Variants in SANBR observed in about 807,000 individuals in gnomAD.
The protein encoded by SANBR is SANT and BTB domain regulator of CSR.
Under a neutral mutation model 101.8 loss-of-function variants are expected in SANBR, and 77 were observed. The observed-to-expected ratio is 0.76, with a 90% CI of 0.63 to 0.91. SANBR has a LOEUF of 0.91. Among genes scored for constraint, SANBR ranks in the 40% least tolerant of loss-of-function variants. The pLI, the probability that SANBR is intolerant of heterozygous loss-of-function variation, is 0.00. For missense variants in SANBR, 875 were observed against 853.0 expected (o/e 1.03, Z -0.32); for synonymous variants, 279 against 274.7 (o/e 1.02, Z -0.15).
downstream of SANBR, among the ~76,000 whole-genome samples, chr2:61,128,985 G>T (rs777918965): frequency 2.6e-5 from 4 of 152,046 alleles, no homozygotes; most frequent in African/African-American, 4.8e-5. Context: ...AGAAGGCAGT[G>T]GGATAACATT....
chr2:61,066,397 C>A (rs1158159468), intron 1 of SANBR: 1 of 152,488 alleles, frequency 6.6e-6, no homozygotes, highest in Non-Finnish European at 1.5e-5. Flanking sequence ...CGGGCGGGAG[C>A]GGGGCGCGAA....
chr2:61,122,793 A>G lies in SANBR; in HGVS notation c.*631A>G. ...TGTTAATCCAACTTTTTTTTCTTTC[A>G]GTTTTTAATGCTTATCTATTGATCA... On this transcript the variant is annotated 3_prime_UTR_variant, in exon 22 of 22. Transcript: ENST00000402291. 2.0e-6 allele frequency: 2 copies of G among 985,302 alleles called. No homozygotes were observed. The highest frequency in any genetic ancestry group is 3.5e-5 in the African/African-American group (2 of 57,278). The allele number at this position is 985,302 out of a possible 1,614,324, so 61.0% of individuals were successfully genotyped here.
chr2:61,076,639 AAAAG>A (rs781010289), intron 5 of SANBR, among the ~76,000 whole-genome samples: 206 of 151,794 alleles, frequency 1.4e-3, no homozygotes, highest in Non-Finnish European at 2.0e-3. Flanking sequence ...AAAAAAAAAA[AAAAG>A]AAAGAAAAAG....
intron 4 of SANBR, among the ~76,000 whole-genome samples, chr2:61,072,533 AGCCACT>A (rs1681528340): frequency 6.6e-6 from 1 of 152,182 alleles, no homozygotes; most frequent in Non-Finnish European, 1.5e-5. Context: ...GCTTTGATCA[AGCCACT>A]GCTCTTCAGC....
intron 6 of SANBR, among the ~76,000 whole-genome samples, chr2:61,079,296 A>G (rs548931664): frequency 6.6e-6 from 1 of 152,300 alleles, no homozygotes; most frequent in African/African-American, 2.4e-5. Flanking sequence ...TATTACTAGT[A>G]GAATTACTGT....
chr2:61,103,481 G>A (rs1683394818), intron 12 of SANBR, among the ~76,000 whole-genome samples: 1 of 152,156 alleles, frequency 6.6e-6, no homozygotes, highest in South Asian at 2.1e-4. Flanking sequence ...AAACTATAGT[G>A]TTTAGGAATG....
chr2:61,104,778 G>T (rs1683475522), intron 13 of SANBR, among the ~76,000 whole-genome samples: 1 of 151,596 alleles, frequency 6.6e-6, no homozygotes, highest in Non-Finnish European at 1.5e-5. Context: ...TTTAAAAGAG[G>T]CTGTTCTTAG....
chr2:61,067,466 A>G (rs1338929392), intron 1 of SANBR, among the ~76,000 whole-genome samples: 1 of 152,186 alleles, frequency 6.6e-6, no homozygotes, highest in Non-Finnish European at 1.5e-5. Context: ...GGCCGGGTGC[A>G]GTGGCTCACG....
At chr2:61,079,646 GAAA>G (rs1001063412) in intron 6 of SANBR, among the ~76,000 whole-genome samples, 5 of 151,550 alleles carry the variant, frequency 3.3e-5, no homozygotes, top group Non-Finnish European at 7.4e-5. Flanking sequence ...TGTAGAGAGA[GAAA>G]AAAAATTATT....
intron 21 of SANBR, among the ~76,000 whole-genome samples, chr2:61,134,527 C>G (rs1573689163): frequency 6.6e-6 from 1 of 152,224 alleles, no homozygotes; most frequent in African/African-American, 2.4e-5. Context: ...CTTTAGCAGT[C>G]TCATGTTCTC....
Position 61,106,609 on chromosome 2 carries a change from G to A in SANBR, c.1558G>A (p.Val520Ile), listed in dbSNP as rs1411142989. 3 of 1,601,162 alleles carry A rather than the reference G, an allele frequency of 1.9e-6. No homozygotes were observed. Among genetic ancestry groups the A allele is most frequent in the Non-Finnish European group, 2.6e-6 (3 of 1,175,992 alleles). ...TGATGAAAAGGGTATAGAATGTGATGTTTTACTGGAGCCAAATACACCATG... is the reference window on the plus strand; with the variant it reads ...TGATGAAAAGGGTATAGAATGTGATATTTTACTGGAGCCAAATACACCATG... ...LCDEKGIECD[V>I]LLEPNTPWGP... The change falls in exon 14 of 22, where the codon GTT (valine) becomes ATT (isoleucine). Residue 520 changes from valine (V) to isoleucine (I), a missense_variant. Transcript: ENST00000402291.
intron 20 of SANBR, 25 bp from the exon 21 acceptor site, chr2:61,121,160 A>T: frequency 6.8e-7 from 1 of 1,472,404 alleles, no homozygotes; most frequent in Non-Finnish European, 9.3e-7. Flanking sequence ...TGTGAAGATA[A>T]CAGTATTGCT....
chr2:61,104,299 A>G lies in SANBR; in HGVS notation c.1511+301A>G, dbSNP rs955517864. ...AGATCGAGAGCATCCTGGCTAACAC[A>G]GTGAAACCCCATCTCTACTAAAACT... On this transcript the variant is annotated intron_variant, in intron 13 of 21. Coordinates refer to ENST00000402291, the MANE Select transcript of SANBR (RefSeq NM_001129993.3). 2.0e-4 allele frequency among the ~76,000 whole-genome samples: 31 copies of G among 151,934 alleles called. No individual in the cohort carries two copies. The South Asian group carries it at 4.0e-3, about 19-fold the overall frequency.
At chr2:61,086,091 T>A (rs1170277464) in intron 8 of SANBR, among the ~76,000 whole-genome samples, 2 of 152,202 alleles carry the variant, frequency 1.3e-5, no homozygotes, top group African/African-American at 2.4e-5. Flanking sequence ...TTCCATTAAT[T>A]TGAATCCTCC....
intron 6 of SANBR, among the ~76,000 whole-genome samples, chr2:61,078,852 A>T (rs889465728): frequency 6.6e-6 from 1 of 152,036 alleles, no homozygotes; most frequent in Admixed American, 6.5e-5. Flanking sequence ...CAGCCTGGCC[A>T]ACATGGCAAA....
intron 21 of SANBR, among the ~76,000 whole-genome samples, chr2:61,134,908 T>C (rs1305690200): frequency 6.6e-6 from 1 of 151,790 alleles, no homozygotes; most frequent in Non-Finnish European, 1.5e-5. Flanking sequence ...TTTTTTTGGC[T>C]GGGAGTGGTG....
intron 5 of SANBR, chr2:61,075,117 T>C (rs1447860746): frequency 6.6e-6 from 1 of 152,082 alleles, no homozygotes; most frequent in East Asian, 1.9e-4. Flanking sequence ...TGTACTTTTT[T>C]TTGTATCAGG....
In SANBR at chr2:61,122,558, T is replaced by G; in HGVS notation, c.*396T>G. ...TTACCATGCATGGCACTGATTGTAG[T>G]ATGTCTTTGGAGCTGTAAATCTTGA... On this transcript the variant is annotated 3_prime_UTR_variant, in exon 22 of 22. Transcript: ENST00000402291. The G allele has an allele frequency of 2.0e-6, 2 of 993,422 alleles. No individual in the cohort carries two copies. Among genetic ancestry groups the G allele is most frequent in the Non-Finnish European group, 2.4e-6 (2 of 835,262 alleles). The allele number at this position is 993,422 out of a possible 1,614,324, so 61.5% of individuals were successfully genotyped here.
chr2:61,105,468 G>A (rs1198646122), intron 13 of SANBR, among the ~76,000 whole-genome samples: 2 of 151,504 alleles, frequency 1.3e-5, no homozygotes, highest in African/African-American at 4.9e-5. Flanking sequence ...CCGGGTTCAC[G>A]CCATTCTCCT....
Sources: gnomAD v4.1 joint callset for allele counts (sites outside exome capture counted in the v4.1 genomes callset) on GRCh38, gnomAD v4.1.1 for gene constraint, MANE v1.5 for transcripts, NCBI Gene and HGNC (gene_info 2026-07-23, HGNC 2026-07-21) for gene names.